The following ZNF385B variants were observed in gnomAD, a reference collection of about 807,000 sequenced individuals.
ZNF385B encodes the protein zinc finger protein 533.
Under a neutral mutation model 39.2 loss-of-function variants are expected in ZNF385B, and 23 were observed. The ratio of observed to expected loss-of-function variants is 0.59; its 90% confidence interval spans 0.42 to 0.83. ZNF385B has a LOEUF of 0.83. Among genes scored for constraint, ZNF385B ranks in the 40% least tolerant of loss-of-function variants. The pLI, the probability that ZNF385B is intolerant of heterozygous loss-of-function variation, is 0.00. For synonymous variants in ZNF385B, 205 were observed against 222.6 expected (o/e 0.92, Z 0.70); for missense variants, 552 against 598.9 (o/e 0.92, Z 0.82).
rs563399374 is a variant in ZNF385B at position 179,550,899 on chromosome 2, A to T, written c.299-5930T>A. On this transcript the variant is annotated intron_variant, in intron 3 of 9. Coordinates refer to ENST00000410066, the MANE Select transcript of ZNF385B (RefSeq NM_152520.6). The stretch of plus-strand genomic sequence containing the variant: ...TTTGGCCAAAATGCATTGCACTCTG[A>T]AAGAAAATGCTTAATTTCTCTAAAA... 4.0e-4 allele frequency among the ~76,000 whole-genome samples: 54 copies of T among 134,662 alleles called. 8 individuals carry two copies. Among genetic ancestry groups the T allele is most frequent in the African/African-American group, 1.6e-3 (53 of 32,224 alleles). 88.3% of individuals were successfully genotyped at this position (134,662 alleles called of 152,430 possible).
chr2:179,793,680 G>T (rs62180408), intron 1 of ZNF385B, among the ~76,000 whole-genome samples: 7,067 of 152,212 alleles, frequency 0.046, 247 homozygotes, highest in Middle Eastern at 0.078. Context: ...TTTATAAATT[G>T]CCCAGTCTCA....
intron 6 of ZNF385B, among the ~76,000 whole-genome samples, chr2:179,462,872 A>C (rs2051500931): frequency 6.6e-6 from 1 of 152,152 alleles, no homozygotes; most frequent in Non-Finnish European, 1.5e-5. Context: ...TGGAAAATTT[A>C]GTGATAATTT....
At chr2:179,534,113 T>C (rs948436881) in intron 4 of ZNF385B, among the ~76,000 whole-genome samples, 1 of 152,182 alleles carries the variant, frequency 6.6e-6, no homozygotes, top group South Asian at 2.1e-4. Flanking sequence ...ATTATCTCAT[T>C]CAGCTAACAT....
At chr2:179,598,327 C>T (rs926658097) in intron 3 of ZNF385B, among the ~76,000 whole-genome samples, 1 of 152,090 alleles carries the variant, frequency 6.6e-6, no homozygotes. Context: ...CCTGCTCCAC[C>T]GTGATGAGAA....
At chr2:179,725,498 T>G (rs1400306705) in intron 3 of ZNF385B, among the ~76,000 whole-genome samples, 1 of 151,782 alleles carries the variant, frequency 6.6e-6, no homozygotes, top group Non-Finnish European at 1.5e-5. Flanking sequence ...GTCATATATA[T>G]TATATATACA....
intron 3 of ZNF385B, among the ~76,000 whole-genome samples, chr2:179,588,244 A>T (rs879199739): frequency 6.6e-6 from 1 of 152,064 alleles, no homozygotes. Flanking sequence ...GCCCGCCACC[A>T]TGCCCGGCTA....
chr2:179,460,985 C>A (rs906615861), intron 6 of ZNF385B, among the ~76,000 whole-genome samples: 3 of 152,152 alleles, frequency 2.0e-5, no homozygotes, highest in African/African-American at 7.2e-5. Context: ...GCAAGATGAA[C>A]CTGTTAGGCA....
intron 3 of ZNF385B, among the ~76,000 whole-genome samples, chr2:179,562,207 T>C (rs896989239): frequency 6.6e-6 from 1 of 152,162 alleles, no homozygotes. Context: ...GTAGTACAAA[T>C]GAAATACAAA....
At chr2:179,846,727 AG>A (rs1277264135) in intron 1 of ZNF385B, among the ~76,000 whole-genome samples, 1 of 152,234 alleles carries the variant, frequency 6.6e-6, no homozygotes, top group African/African-American at 2.4e-5. Flanking sequence ...AAACCCCTGA[AG>A]GTTTAAAGTA....
At chr2:179,694,425 A>G (rs911597007) in intron 3 of ZNF385B, among the ~76,000 whole-genome samples, 2 of 152,076 alleles carry the variant, frequency 1.3e-5, no homozygotes, top group Admixed American at 1.3e-4. Flanking sequence ...AATTCCAGCA[A>G]ATTATGAAAT....
chr2:179,678,036 G>T (rs185460617), intron 3 of ZNF385B, among the ~76,000 whole-genome samples: 1 of 151,472 alleles, frequency 6.6e-6, no homozygotes, highest in East Asian at 1.9e-4. Context: ...TCTATCAAGG[G>T]GCCACAAACC....
chr2:179,781,873 T>A (rs182180070), intron 1 of ZNF385B, among the ~76,000 whole-genome samples: 1 of 152,112 alleles, frequency 6.6e-6, no homozygotes, highest in Non-Finnish European at 1.5e-5. Context: ...CAGGACCTGA[T>A]GGATTCACAG....
chr2:179,586,394 C>T (rs1297038691), intron 3 of ZNF385B, among the ~76,000 whole-genome samples: 1 of 152,220 alleles, frequency 6.6e-6, no homozygotes, highest in Non-Finnish European at 1.5e-5. Flanking sequence ...CTCACCAAAA[C>T]ATGGCATATC....
intron 4 of ZNF385B, among the ~76,000 whole-genome samples, chr2:179,525,831 C>T (rs1286334191): frequency 6.6e-6 from 1 of 152,106 alleles, no homozygotes; most frequent in Non-Finnish European, 1.5e-5. Context: ...CAATATTTCT[C>T]TAAAGTTACT....
intron 4 of ZNF385B, among the ~76,000 whole-genome samples, chr2:179,536,746 T>G (rs1447156658): frequency 6.6e-6 from 1 of 152,162 alleles, no homozygotes; most frequent in Non-Finnish European, 1.5e-5. Flanking sequence ...GCCAGGGACA[T>G]GTAGACATGC....
intron 3 of ZNF385B, among the ~76,000 whole-genome samples, chr2:179,613,115 G>A (rs1275654024): frequency 6.6e-6 from 1 of 152,182 alleles, no homozygotes; most frequent in Non-Finnish European, 1.5e-5. Context: ...CCAAGCCTGG[G>A]ATTCTCCCTT....
In ZNF385B at chr2:179,798,438, T is replaced by C. The variant is rs551254490; in HGVS notation, c.-154-27766A>G. On this transcript the variant is annotated intron_variant, in intron 1 of 9. Coordinates refer to ENST00000410066, the MANE Select transcript of ZNF385B (RefSeq NM_152520.6). ...GCTAGAAAATATTTTTTAAATAAAA[T>C]ACATCACAAGTTCATACTGATACTG... is the stretch of plus-strand genomic sequence containing the variant. Among the ~76,000 whole-genome samples, 11 of 152,212 alleles carry C rather than the reference T, an allele frequency of 7.2e-5. No individual in the cohort carries two copies. In the South Asian group the frequency reaches 1.9e-3, roughly 26 times the overall value.
intron 5 of ZNF385B, among the ~76,000 whole-genome samples, chr2:179,489,996 T>C (rs1165915820): frequency 6.6e-6 from 1 of 152,250 alleles, no homozygotes; most frequent in Non-Finnish European, 1.5e-5. Flanking sequence ...TCACACTGCA[T>C]AACTCTGCAG....
At chr2:179,485,739 C>G (rs1396310696) in intron 5 of ZNF385B, among the ~76,000 whole-genome samples, 1 of 152,018 alleles carries the variant, frequency 6.6e-6, no homozygotes, top group African/African-American at 2.4e-5. Flanking sequence ...TTCAGTGTAC[C>G]TTGATTCTGC....
Sources: allele counts gnomAD v4.1 joint callset (sites outside exome capture counted in the v4.1 genomes callset), GRCh38; gene constraint gnomAD v4.1.1; transcripts MANE v1.5; gene names NCBI Gene and HGNC (gene_info 2026-07-23, HGNC 2026-07-21).